Variants in ESRRG observed in about 807,000 individuals in gnomAD.
ESRRG encodes the protein estrogen related receptor gamma.
A neutral mutation model predicts 44.0 loss-of-function variants in ESRRG; 13 were observed. The observed-to-expected ratio is 0.30, with a 90% CI of 0.19 to 0.47. ESRRG has a LOEUF of 0.47. ESRRG is among the 20% of genes least tolerant of loss of function. The pLI is 1.00. For synonymous variants in ESRRG, 215 were observed against 214.6 expected, an observed-to-expected ratio of 1.00 and a Z score of -0.02; for missense variants, 395 against 580.6, an observed-to-expected ratio of 0.68 and a Z score of 3.29.
At chr1:217,071,901 A>G (rs1403624010) in intron 1 of ESRRG, among the ~76,000 whole-genome samples, 1 of 152,176 alleles carries the variant, frequency 6.6e-6, no homozygotes, top group African/African-American at 2.4e-5. Context: ...CCTGGGGTCT[A>G]GTTCTAGAGC....
At chr1:216,665,553 A>G (rs1429084540) in intron 2 of ESRRG, among the ~76,000 whole-genome samples, 2 of 152,168 alleles carry the variant, frequency 1.3e-5, no homozygotes, top group African/African-American at 2.4e-5. Context: ...GGGAGAAATG[A>G]GGAGTTGTTT....
At chr1:216,629,822 T>C (rs2063812243) in intron 3 of ESRRG, among the ~76,000 whole-genome samples, 1 of 152,132 alleles carries the variant, frequency 6.6e-6, no homozygotes. Flanking sequence ...AAATACCAAA[T>C]CATACCCACA....
At chr1:216,705,717 C>G (rs1319871593) in intron 1 of ESRRG, among the ~76,000 whole-genome samples, 1 of 152,166 alleles carries the variant, frequency 6.6e-6, no homozygotes, top group African/African-American at 2.4e-5. Flanking sequence ...GATCCTTCCC[C>G]TGTTACTCTT....
chr1:216,790,584 G>A (rs1056336444), intron 2 of ESRRG, among the ~76,000 whole-genome samples: 1 of 152,060 alleles, frequency 6.6e-6, no homozygotes, highest in African/African-American at 2.4e-5. Context: ...TGCAAAGATG[G>A]AAAAAATCAT....
At chr1:216,566,786 C>T (rs910157199) in intron 4 of ESRRG, among the ~76,000 whole-genome samples, 1 of 152,062 alleles carries the variant, frequency 6.6e-6, no homozygotes, top group Non-Finnish European at 1.5e-5. Flanking sequence ...GGAGAAGATG[C>T]CAGATTGGAC....
At chr1:216,938,819 G>A (rs2064626738) in intron 2 of ESRRG, among the ~76,000 whole-genome samples, 1 of 152,174 alleles carries the variant, frequency 6.6e-6, no homozygotes, top group Admixed American at 6.5e-5. Flanking sequence ...ACAAACCCAT[G>A]TGAGGGTATG....
At chr1:216,519,795 T>C (rs2376831) in intron 5 of ESRRG, among the ~76,000 whole-genome samples, 54,309 of 142,968 alleles carry the variant, frequency 0.38, 11,402 homozygotes, top group East Asian at 0.71. Flanking sequence ...AAAACTACTA[T>C]TGGTAAACAA....
At chr1:216,577,114 A>C (rs2061821703) in intron 3 of ESRRG, among the ~76,000 whole-genome samples, 1 of 151,980 alleles carries the variant, frequency 6.6e-6, no homozygotes, top group Non-Finnish European at 1.5e-5. Context: ...CAATGTAATT[A>C]AAGGAAATCT....
At chr1:217,003,674 T>C (rs1041694272) in intron 1 of ESRRG, among the ~76,000 whole-genome samples, 1 of 150,188 alleles carries the variant, frequency 6.7e-6, no homozygotes, top group African/African-American at 2.5e-5. Context: ...GTAATTCATT[T>C]GTTATTGGCC....
At chr1:216,865,359 A>C (rs1030352834) in intron 2 of ESRRG, among the ~76,000 whole-genome samples, 1 of 151,954 alleles carries the variant, frequency 6.6e-6, no homozygotes, top group Non-Finnish European at 1.5e-5. Flanking sequence ...CTCATATGTT[A>C]TTTTAAATGA....
intron 2 of ESRRG, among the ~76,000 whole-genome samples, chr1:216,840,829 A>T (rs745820299): frequency 6.6e-6 from 1 of 152,186 alleles, no homozygotes; most frequent in Non-Finnish European, 1.5e-5. Context: ...TCTTGGTCTT[A>T]TATGGGTATG....
At chr1:216,758,560 A>AT (rs971951042) in intron 2 of ESRRG, among the ~76,000 whole-genome samples, 22 of 151,558 alleles carry the variant, frequency 1.5e-4, no homozygotes, top group Admixed American at 5.3e-4. Flanking sequence ...CTCCTGGGCA[A>AT]TTTTTTTTAA....
chr1:216,904,398 G>GGGATATTCT, intron 2 of ESRRG, among the ~76,000 whole-genome samples: 1 of 152,116 alleles, frequency 6.6e-6, no homozygotes, highest in East Asian at 1.9e-4. Flanking sequence ...CAAAGTTTAG[G>GGGATATTCT]GGATATTCTG....
At chr1:216,640,989 AT>A (rs749801482) in intron 3 of ESRRG, among the ~76,000 whole-genome samples, 1 of 152,164 alleles carries the variant, frequency 6.6e-6, no homozygotes, top group Non-Finnish European at 1.5e-5. Flanking sequence ...TCCATCAGGG[AT>A]TTTTTTAATC....
chr1:217,093,962 A>T (rs185985176), upstream of ESRRG, among the ~76,000 whole-genome samples: 45 of 152,192 alleles, frequency 3.0e-4, no homozygotes, highest in Admixed American at 1.5e-3. Flanking sequence ...AGCTCACTGT[A>T]ACCTCAAACT....
rs530692095 is a variant in ESRRG, at chr1:216,696,850, A to G, written c.57-19359T>C. Among the ~76,000 whole-genome samples the G allele has an allele frequency of 8.5e-5, 13 of 152,316 alleles. No homozygotes were observed. The South Asian group carries it at 2.7e-3, about 32-fold the overall frequency. Reference sequence around the variant, plus strand: ...TAAATAAAATGGGGTACTAATACCTATCCTATCTAATGTACAGAAATGTTG... The same window carrying G: ...TAAATAAAATGGGGTACTAATACCTGTCCTATCTAATGTACAGAAATGTTG... On this transcript the variant is annotated intron_variant, in intron 1 of 6. Coordinates refer to ENST00000408911, the MANE Select transcript of ESRRG (RefSeq NM_001438.4).
chr1:217,093,760 G>A (rs2092384494), upstream of ESRRG, among the ~76,000 whole-genome samples: 1 of 151,110 alleles, frequency 6.6e-6, no homozygotes, highest in African/African-American at 2.4e-5. Context: ...TCCAGCTGAG[G>A]TGACAGAGTG....
chr1:217,057,278 A>G (rs2151306755), intron 1 of ESRRG, among the ~76,000 whole-genome samples: 1 of 152,324 alleles, frequency 6.6e-6, no homozygotes, highest in East Asian at 1.9e-4. Context: ...AAGTTCTGTG[A>G]CGTTAGTGAG....
intron 2 of ESRRG, among the ~76,000 whole-genome samples, chr1:216,757,031 AAAGG>A (rs1194276614): frequency 2.6e-5 from 4 of 151,886 alleles, no homozygotes; most frequent in Non-Finnish European, 4.4e-5. Context: ...CTCTCCTCAT[AAAGG>A]CATTTCCACA....
Sources: allele counts gnomAD v4.1 joint callset (sites outside exome capture counted in the v4.1 genomes callset), GRCh38; gene constraint gnomAD v4.1.1; transcripts MANE v1.5; gene names NCBI Gene and HGNC (gene_info 2026-07-23, HGNC 2026-07-21).